Variants in ROR2 observed in about 807,000 individuals in gnomAD.
ROR2 encodes ROR family WNT receptor 2, also known as tyrosine-protein kinase transmembrane receptor ROR2.
In ROR2, 33 loss-of-function variants were observed where a neutral mutation model predicts 74.9. The observed-to-expected ratio is 0.44, with a 90% confidence interval of 0.33 to 0.59. ROR2 has a LOEUF of 0.59. Among genes scored for constraint, ROR2 ranks in the 20% least tolerant of loss-of-function variants. The pLI, the probability that ROR2 is intolerant of heterozygous loss-of-function variation, is 0.02. For missense variants in ROR2, 1,216 were observed against 1,313.8 expected (o/e 0.93, Z 1.15); for synonymous variants, 586 against 558.7 (o/e 1.05, Z -0.69).
chr9:91,829,869 C>G (rs1828409052), intron 1 of ROR2, among the ~76,000 whole-genome samples: 1 of 152,120 alleles, frequency 6.6e-6, no homozygotes, highest in Admixed American at 6.5e-5. Context: ...AATAAATGAA[C>G]CATCATTAAT....
intron 2 of ROR2, among the ~76,000 whole-genome samples, chr9:91,764,849 T>C (rs1265496545): frequency 6.6e-6 from 1 of 152,186 alleles, no homozygotes; most frequent in Non-Finnish European, 1.5e-5. Context: ...GATAGTTTCG[T>C]TGGGTATAGA....
At chr9:91,857,320 TCACTGGGCAGG>T (rs923045992) in intron 1 of ROR2, among the ~76,000 whole-genome samples, 1 of 152,098 alleles carries the variant, frequency 6.6e-6, no homozygotes, top group African/African-American at 2.4e-5. Context: ...AGGCTTGACC[TCACTGGGCAGG>T]CGGTGGGGCC....
chr9:91,736,054 T>C (rs1366487754), intron 5 of ROR2, among the ~76,000 whole-genome samples: 1 of 152,216 alleles, frequency 6.6e-6, no homozygotes, highest in African/African-American at 2.4e-5. Flanking sequence ...GCGTAAAGTA[T>C]ATTCTCTATT....
chr9:91,775,726 C>T lies in ROR2; in HGVS notation c.175+15G>A, dbSNP rs1162496897. On this transcript the variant is annotated intron_variant, in intron 2 of 8. Coordinates refer to ENST00000375708, the MANE Select transcript of ROR2 (RefSeq NM_004560.4). Reference sequence around the variant, plus strand: ...ATTTGGAGGACATGGAGAGCACCTGCATGTCCCAGCTCACCTTTCAGAGTT... The same window carrying T: ...ATTTGGAGGACATGGAGAGCACCTGTATGTCCCAGCTCACCTTTCAGAGTT... 6.2e-7 allele frequency: 1 copy of T among 1,613,052 alleles called. No individual in the cohort carries two copies. The highest frequency in any genetic ancestry group is 1.7e-5 in the Admixed American group (1 of 60,020).
intron 1 of ROR2, among the ~76,000 whole-genome samples, chr9:91,943,262 T>C (rs975213836): frequency 6.6e-6 from 1 of 152,180 alleles, no homozygotes; most frequent in African/African-American, 2.4e-5. Flanking sequence ...TCCTTTAAGA[T>C]GCAACAGTAT....
At chr9:91,767,943 A>G (rs189593130) in intron 2 of ROR2, among the ~76,000 whole-genome samples, 1 of 152,344 alleles carries the variant, frequency 6.6e-6, no homozygotes, top group Admixed American at 6.5e-5. Flanking sequence ...GGGTCACTGC[A>G]GATGTAACGA....
At chr9:91,741,177 G>A (rs1377885587) in intron 4 of ROR2, among the ~76,000 whole-genome samples, 2 of 151,986 alleles carry the variant, frequency 1.3e-5, no homozygotes, top group Non-Finnish European at 2.9e-5. Flanking sequence ...GTGCACACCT[G>A]TAGTCCCAGC....
intron 1 of ROR2, among the ~76,000 whole-genome samples, chr9:91,882,422 A>C (rs1302304041): frequency 6.6e-6 from 1 of 151,942 alleles, no homozygotes; most frequent in Non-Finnish European, 1.5e-5. Flanking sequence ...AAAAAAAAAA[A>C]AAAACTAGCC....
At chr9:91,924,474 G>A (rs939894801) in intron 1 of ROR2, among the ~76,000 whole-genome samples, 2 of 152,230 alleles carry the variant, frequency 1.3e-5, no homozygotes, top group Non-Finnish European at 2.9e-5. Flanking sequence ...CATTAGAGAG[G>A]CACAGATTGC....
At chr9:91,910,474 A>AC (rs1396575260) in intron 1 of ROR2, among the ~76,000 whole-genome samples, 1 of 152,186 alleles carries the variant, frequency 6.6e-6, no homozygotes, top group Non-Finnish European at 1.5e-5. Flanking sequence ...AAAACAGACA[A>AC]ACTGGACTAC....
rs533983084 is a variant in ROR2, at chr9:91,755,787, C to A, written c.494+284G>T. ...GGTATCCTTCCTGGTGCCCAGGCAA[C>A]CTGGCCTGTATATTTATACTCCTCT... On this transcript the variant is annotated intron_variant, in intron 4 of 8. Coordinates refer to ENST00000375708, the MANE Select transcript of ROR2 (RefSeq NM_004560.4). 3.3e-5 allele frequency among the ~76,000 whole-genome samples: 5 copies of A among 152,376 alleles called. No individual in the cohort carries two copies. In the South Asian group the frequency reaches 1.0e-3, roughly 32 times the overall value.
intron 1 of ROR2, among the ~76,000 whole-genome samples, chr9:91,793,023 T>C (rs1827051749): frequency 6.6e-6 from 1 of 152,212 alleles, no homozygotes; most frequent in African/African-American, 2.4e-5. Flanking sequence ...CTTCATAGTC[T>C]CTTCCTAGAA....
At chr9:91,895,817 C>G (rs1264955942) in intron 1 of ROR2, among the ~76,000 whole-genome samples, 1 of 152,178 alleles carries the variant, frequency 6.6e-6, no homozygotes, top group Non-Finnish European at 1.5e-5. Flanking sequence ...GCACTCCAGC[C>G]TGGGCGGCTG....
chr9:91,819,544 AGTGTGTATCTTTGT>A (rs1243295050), intron 1 of ROR2, among the ~76,000 whole-genome samples: 1 of 147,320 alleles, frequency 6.8e-6, no homozygotes, highest in Non-Finnish European at 1.5e-5. Flanking sequence ...TCTGTCTTTG[AGTGTGTATCTTTGT>A]GTGTGTCTGA....
Position 91,733,011 on chromosome 9 carries a change from G to C in ROR2, c.937+111C>G. On this transcript the variant is annotated intron_variant, in intron 6 of 8. Transcript: ENST00000375708. The surrounding 1 kb of genome is among the most constrained non-coding windows in gnomAD (Gnocchi z 5.7). ...CCCTCGGCTGCTAAGGGGGTTCTGT[G>C]GGGCCTGGACAGATGGGGCTCCCTG... The C allele has an allele frequency of 9.1e-7, 1 of 1,100,724 alleles. No homozygotes were observed. Among genetic ancestry groups the C allele is most frequent in the Non-Finnish European group, 1.3e-6 (1 of 780,148 alleles). 68.2% of individuals were successfully genotyped at this position (1,100,724 alleles called of 1,614,324 possible).
At chr9:91,948,704 G>T (rs1832077493) in intron 1 of ROR2, 1 of 985,488 alleles carries the variant, frequency 1.0e-6, no homozygotes, top group Non-Finnish European at 1.2e-6. Context: ...CGACTGTCCC[G>T]ATTCTCACCT....
intron 1 of ROR2, among the ~76,000 whole-genome samples, chr9:91,824,604 C>T (rs28687942): frequency 3.3e-5 from 5 of 152,166 alleles, no homozygotes; most frequent in African/African-American, 1.2e-4. Context: ...CAACCAAATC[C>T]CAATGTTTCA....
At chr9:91,863,273 G>A (rs1829524260) in intron 1 of ROR2, among the ~76,000 whole-genome samples, 1 of 152,126 alleles carries the variant, frequency 6.6e-6, no homozygotes, top group Non-Finnish European at 1.5e-5. Context: ...TGATCCTCCC[G>A]CCTTGGTCCC....
At chr9:91,909,847 G>GTTTTGTTTTTTTTTT (rs1830917603) in intron 1 of ROR2, among the ~76,000 whole-genome samples, 3 of 53,598 alleles carry the variant, frequency 5.6e-5, no homozygotes, top group African/African-American at 7.9e-5. Flanking sequence ...GGTTTGTTTT[G>GTTTTGTTTTTTTTTT]TTTTTTTTTT....
Sources: allele counts gnomAD v4.1 joint callset (sites outside exome capture counted in the v4.1 genomes callset), GRCh38; gene constraint gnomAD v4.1.1; non-coding constraint Gnocchi (gnomAD v3.1); transcripts MANE v1.5; gene names NCBI Gene and HGNC (gene_info 2026-07-23, HGNC 2026-07-21).